UCKL1: variants seen among roughly 807,000 people sequenced by gnomAD.
UCKL1 encodes the protein uridine-cytidine kinase 1 like 1.
A neutral mutation model predicts 59.2 loss-of-function variants in UCKL1; 65 were observed. That is an observed-to-expected ratio of 1.10 (90% CI 0.90 to 1.35). The LOEUF is 1.35. Ranked by LOEUF, UCKL1 falls within the 40% of genes most tolerant of loss-of-function variation. UCKL1 has a pLI of 0.00. For missense variants in UCKL1, 703 were observed against 784.3 expected, an observed-to-expected ratio of 0.90 and a Z score of 1.24; for synonymous variants, 410 against 323.1, an observed-to-expected ratio of 1.27 and a Z score of -2.88.
At chr20:63,948,820 C>G (rs1039415972) in intron 1 of UCKL1, among the ~76,000 whole-genome samples, 2 of 151,912 alleles carry the variant, frequency 1.3e-5, no homozygotes, top group Non-Finnish European at 2.9e-5. Context: ...GTTTTTAAAG[C>G]AGGTGCCACT....
intron 7 of UCKL1, 22 bp downstream of exon 7, chr20:63,944,367 TAGGCCGTG>T: frequency 1.3e-6 from 2 of 1,539,898 alleles, no homozygotes; most frequent in East Asian, 2.4e-5. Context: ...GGCTGGGGGC[TAGGCCGTG>T]GGGACGTGGG....
Position 63,956,325 on chromosome 20 carries a change from C to T in UCKL1, c.48G>A (p.Ser16=). Residue 16 remains serine (S), a synonymous_variant, in exon 1 of 15, where the codon TCG becomes TCA. Coordinates refer to ENST00000354216, the MANE Select transcript of UCKL1 (RefSeq NM_017859.4). The part of the protein sequence containing the change: ...ARADADPSPT[S]PPTARDTPGR... ...CTGGTGTGTCTCGGGCCGTAGGTGG[C>T]GACGTGGGCGAAGGATCAGCGTCCG... The T allele has an allele frequency of 6.4e-7, 1 of 1,552,688 alleles. No homozygotes were observed. Among genetic ancestry groups the T allele is most frequent in the Non-Finnish European group, 8.7e-7 (1 of 1,152,984 alleles).
At chr20:63,947,234 C>T (rs1174451681) in intron 1 of UCKL1, among the ~76,000 whole-genome samples, 3 of 152,230 alleles carry the variant, frequency 2.0e-5, no homozygotes, top group Non-Finnish European at 4.4e-5. Context: ...GAGGCGCTAT[C>T]TTGGGGCCAT....
chr20:63,944,131 G>C (rs1397467901), intron 7 of UCKL1, among the ~76,000 whole-genome samples: 1 of 152,254 alleles, frequency 6.6e-6, no homozygotes, highest in Non-Finnish European at 1.5e-5. Context: ...GGTGTGCTGA[G>C]CGGGCTGCAC....
chr20:63,941,315 C>A (rs943520562), intron 8 of UCKL1, 107 bp from the exon 9 acceptor site: 1 of 1,444,852 alleles, frequency 6.9e-7, no homozygotes, highest in East Asian at 2.5e-5. Flanking sequence ...ACGGGCCAGG[C>A]ACAGCACGAG....
intron 2 of UCKL1, 43 bp from the exon 3 acceptor site, chr20:63,946,310 T>C: frequency 1.3e-6 from 2 of 1,554,712 alleles, no homozygotes; most frequent in South Asian, 2.3e-5. Flanking sequence ...ACAGGCAGGC[T>C]GCCGGCACAG....
At position 63,944,558 on chromosome 20, in the gene UCKL1, G is replaced by A. The variant is rs201433288; in HGVS notation, c.831C>T (p.Ile277=). 9.3e-4 allele frequency: 1,500 copies of A among 1,610,968 alleles called. 14 individuals carry two copies. The highest frequency in any genetic ancestry group is 3.2e-4 in the Admixed American group (19 of 59,716). Reference sequence around the variant, plus strand: ...CAGCAGGCTCACCTCTGGGGACCACGATGTCTGCCAGGCGCATGGTGGGCT... The same window carrying A: ...CAGCAGGCTCACCTCTGGGGACCACAATGTCTGCCAGGCGCATGGTGGGCT... ...YIQPTMRLAD[I]VVPRGSGNTV... Residue 277 remains isoleucine (I), a synonymous_variant, in exon 6 of 15, where the codon ATC becomes ATT. Coordinates refer to ENST00000354216, the MANE Select transcript of UCKL1 (RefSeq NM_017859.4).
intron 1 of UCKL1, among the ~76,000 whole-genome samples, chr20:63,947,551 C>G (rs1442164940): frequency 1.3e-5 from 2 of 152,238 alleles, no homozygotes; most frequent in African/African-American, 2.4e-5. Context: ...GGACCTGATT[C>G]TCCTGCAGTG....
intron 1 of UCKL1, chr20:63,953,460 C>T (rs925650756): frequency 1.3e-5 from 2 of 152,192 alleles, no homozygotes; most frequent in African/African-American, 2.4e-5. Flanking sequence ...CCAGCACTTT[C>T]AGAGGCTGAG....
intron 1 of UCKL1, among the ~76,000 whole-genome samples, chr20:63,949,297 G>A (rs1247329451): frequency 6.6e-6 from 1 of 152,152 alleles, no homozygotes; most frequent in Non-Finnish European, 1.5e-5. Flanking sequence ...GGCGGCCCGG[G>A]GGACAGCACC....
intron 13 of UCKL1, 31 bp from the exon 14 acceptor site, chr20:63,940,337 C>T (rs1007369300): frequency 6.2e-7 from 1 of 1,612,012 alleles, no homozygotes; most frequent in Non-Finnish European, 8.5e-7. Context: ...GTAAATCCCA[C>T]CTCTGCCTGA....
Position 63,941,090 on chromosome 20 carries a change from G to T in UCKL1, c.1022+20C>A. 2 of 1,599,118 alleles carry T rather than the reference G, an allele frequency of 1.3e-6. No homozygotes were observed. Among genetic ancestry groups the T allele is most frequent in the Non-Finnish European group, 1.7e-6 (2 of 1,174,172 alleles). On this transcript the variant is annotated intron_variant, in intron 9 of 14. Transcript: ENST00000354216. ...GGGAGCACGCGCCCGGGGCCGCCCCGTCCCCAGGTGGGCCCTCACCTGATG... is the reference window on the plus strand; with the variant it reads ...GGGAGCACGCGCCCGGGGCCGCCCCTTCCCCAGGTGGGCCCTCACCTGATG...
At chr20:63,955,636 C>G (rs1020052525) in intron 1 of UCKL1, 1 of 152,224 alleles carries the variant, frequency 6.6e-6, no homozygotes, top group Non-Finnish European at 1.5e-5. Context: ...TCTTGCAGCC[C>G]CGGGCACTGC....
intron 1 of UCKL1, 51 bp downstream of exon 1, chr20:63,956,209 C>T (rs550998872): frequency 6.9e-7 from 1 of 1,447,608 alleles, no homozygotes; most frequent in South Asian, 1.3e-5. Context: ...TCGGCCGGAT[C>T]TGCAGCCCCT....
Position 63,943,646 on chromosome 20 carries a change from G to A in UCKL1, c.923+7C>T. On this transcript the variant is annotated splice_region_variant and intron_variant, in intron 8 of 14. Coordinates refer to ENST00000354216, the MANE Select transcript of UCKL1 (RefSeq NM_017859.4). ...TCCATCTGTGCAGACAGCTGTGCAA[G>A]TCTTACCTGACGCTGAGTTCACGCT... The A allele has an allele frequency of 6.2e-7, 1 of 1,612,728 alleles. No individual in the cohort carries two copies. The highest frequency in any genetic ancestry group is 8.5e-7 in the Non-Finnish European group (1 of 1,179,892).
rs375942979 is a variant in UCKL1 at position 63,950,411 on chromosome 20, C to CA, written c.114-3769dup. On this transcript the variant is annotated intron_variant, in intron 1 of 14. Transcript: ENST00000354216. Reference sequence around the variant, plus strand: ...GCAACATGGTGAGACGGTCTCCACACAAAAAACTTTAGAATATTAAAAATA... The same window carrying CA: ...GCAACATGGTGAGACGGTCTCCACACAAAAAAACTTTAGAATATTAAAAATA... 2.8e-3 allele frequency among the ~76,000 whole-genome samples: 433 copies of CA among 152,156 alleles called. 3 individuals carry two copies. The highest frequency in any genetic ancestry group is 0.01 in the African/African-American group (420 of 41,510).
chr20:63,955,404 G>C (rs1159148416), intron 1 of UCKL1: 1 of 152,240 alleles, frequency 6.6e-6, no homozygotes, highest in Non-Finnish European at 1.5e-5. Flanking sequence ...CTGCTCAGCA[G>C]CTCCTGGAGA....
At chr20:63,952,485 G>A (rs117267354) in intron 1 of UCKL1, among the ~76,000 whole-genome samples, 20,708 of 152,058 alleles carry the variant, frequency 0.14, 1,872 homozygotes, top group Non-Finnish European at 0.2. Flanking sequence ...GGCTGCTCTC[G>A]GCCACAGCAG....
At chr20:63,949,208 C>T (rs2057181626) in intron 1 of UCKL1, among the ~76,000 whole-genome samples, 1 of 152,156 alleles carries the variant, frequency 6.6e-6, no homozygotes, top group Admixed American at 6.5e-5. Context: ...CTCCGGAGAT[C>T]GTTCTGGAGC....
Sources: allele counts gnomAD v4.1 joint callset (sites outside exome capture counted in the v4.1 genomes callset), GRCh38; gene constraint gnomAD v4.1.1; transcripts MANE v1.5; gene names NCBI Gene and HGNC (gene_info 2026-07-23, HGNC 2026-07-21).